The following CACNA2D4 variants were observed in gnomAD, a reference collection of about 807,000 sequenced individuals.
CACNA2D4 encodes the protein calcium voltage-gated channel auxiliary subunit alpha2delta 4.
In CACNA2D4, 157 loss-of-function variants were observed where a neutral mutation model predicts 163.8. That is an observed-to-expected ratio of 0.96 (90% CI 0.84 to 1.09). The LOEUF (loss-of-function observed/expected upper bound fraction) is 1.09, where lower values mean the gene tolerates loss of function less well. Among genes scored for constraint, CACNA2D4 ranks in the 50% least tolerant of loss-of-function variants. The probability of loss-of-function intolerance (pLI) is 0.00; values close to 1 mark genes in which losing one functional copy is unlikely to be tolerated. For synonymous variants in CACNA2D4, 598 were observed against 586.9 expected (o/e 1.02, Z -0.27); for missense variants, 1,410 against 1,479.9 (o/e 0.95, Z 0.78).
At chr12:1,868,386 T>C (rs769592383) in intron 18 of CACNA2D4, among the ~76,000 whole-genome samples, 23 of 152,064 alleles carry the variant, frequency 1.5e-4, no homozygotes, top group Non-Finnish European at 3.1e-4. Context: ...ATCTCACTTA[T>C]ATGTGGAATC....
chr12:1,797,142 C>T (rs1243494601), intron 35 of CACNA2D4, among the ~76,000 whole-genome samples: 1 of 152,192 alleles, frequency 6.6e-6, no homozygotes, highest in Non-Finnish European at 1.5e-5. Context: ...GGGGTGGGCT[C>T]GACACACAGG....
chr12:1,875,218 C>T lies in CACNA2D4; in HGVS notation c.1806+33G>A, dbSNP rs757756121. On this transcript the variant is annotated intron_variant, in intron 17 of 37. Transcript: ENST00000382722. The surrounding 1 kb of genome is among the most constrained non-coding windows in gnomAD (Gnocchi z 4.0). ...CCATTTAGTTGGATGTAGAGCCTAA[C>T]TAGCTTCCCTTCCCCCTATTTTCCC... 10 of 1,497,284 alleles carry T rather than the reference C, an allele frequency of 6.7e-6. No individual in the cohort carries two copies. In the East Asian group the frequency reaches 1.4e-4, roughly 20 times the overall value. 92.7% of individuals were successfully genotyped at this position (1,497,284 alleles called of 1,614,324 possible). A position where few individuals can be genotyped will look rare whatever the true frequency, so the allele number is the denominator to read the frequency against.
chr12:1,818,164 C>T (rs1317112035), intron 26 of CACNA2D4, among the ~76,000 whole-genome samples: 37 of 147,186 alleles, frequency 2.5e-4, no homozygotes, highest in African/African-American at 7.5e-4. Context: ...GGAGCCCCTC[C>T]GCCCGGCAGC....
rs769969392 is a variant in CACNA2D4 at position 1,918,451 on chromosome 12, A to G, written c.23T>C (p.Leu8Pro). The G allele has an allele frequency of 6.4e-7, 1 of 1,572,740 alleles. No homozygotes were observed. Among genetic ancestry groups the G allele is most frequent in the Non-Finnish European group, 8.6e-7 (1 of 1,159,482 alleles). Residue 8 changes from leucine to proline, a missense_variant, in exon 1 of 38, where the codon CTC becomes CCC. Physicochemically the swap from Leu to Pro is moderately conservative, Grantham distance 98. Coordinates refer to ENST00000382722, the MANE Select transcript of CACNA2D4 (RefSeq NM_172364.5). ...GGGCCTGGGGTTGGGGAGGGGAAGG[A>G]GGGCAGAGCAGCCACAGACCATGAG... MVCGCSALLPLPNPRPTM... is the reference protein window; with the variant it reads MVCGCSAPLPLPNPRPTM...
intron 23 of CACNA2D4, among the ~76,000 whole-genome samples, chr12:1,849,558 C>T (rs935913623): frequency 1.3e-5 from 2 of 152,172 alleles, no homozygotes; most frequent in African/African-American, 4.8e-5. Context: ...TCAATTACTA[C>T]AGGTTACTTT....
chr12:1,796,688 A>G (rs1176447614), intron 35 of CACNA2D4, among the ~76,000 whole-genome samples: 1 of 152,200 alleles, frequency 6.6e-6, no homozygotes, highest in Admixed American at 6.5e-5. Flanking sequence ...CCAGCGCCGC[A>G]GGTGCCGCAC....
At chr12:1,854,108 C>T in intron 22 of CACNA2D4, 64 bp from the exon 23 acceptor site, 1 of 1,213,216 alleles carries the variant, frequency 8.2e-7, no homozygotes, top group Middle Eastern at 1.9e-4. Context: ...CACAACTCTC[C>T]CATCCTAAGT....
Position 1,828,871 on chromosome 12 carries a change from G to A in CACNA2D4, c.2551+11868C>T, listed in dbSNP as rs1372435188. 3.3e-5 allele frequency among the ~76,000 whole-genome samples: 5 copies of A among 152,200 alleles called. No individual in the cohort carries two copies. In the East Asian group the frequency reaches 7.7e-4, roughly 23 times the overall value. ...CTTGGCAGCTGTCAGGGTGAAAGGA[G>A]CCCTGAGAATTCTCTTTATATGTGG... is the stretch of plus-strand genomic sequence containing the variant. On this transcript the variant is annotated intron_variant, in intron 26 of 37. Coordinates refer to ENST00000382722, the MANE Select transcript of CACNA2D4 (RefSeq NM_172364.5). The surrounding 1 kb of genome is among the most constrained non-coding windows in gnomAD (Gnocchi z 4.2).
intron 18 of CACNA2D4, among the ~76,000 whole-genome samples, chr12:1,873,133 G>A (rs570541644): frequency 1.5e-4 from 23 of 152,144 alleles, no homozygotes; most frequent in African/African-American, 3.9e-4. Flanking sequence ...ACTTGACAGC[G>A]CCCAGCCCAG....
rs1048506289 is a variant in CACNA2D4 at position 1,833,299 on chromosome 12, G to A, written c.2551+7440C>T. 6.6e-6 allele frequency among the ~76,000 whole-genome samples: 1 copy of A among 152,130 alleles called. No individual in the cohort carries two copies. The highest frequency in any genetic ancestry group is 6.5e-5 in the Admixed American group (1 of 15,282). ...TGCAGCCCGCATCTTTTCGGCAGGG[G>A]GTCTAGTGCCTGCATCCAGATTTCA... On this transcript the variant is annotated intron_variant, in intron 26 of 37. Transcript: ENST00000382722. This position sits in a 1 kb window ranked among gnomAD's most constrained non-coding sequence, Gnocchi z 4.2.
rs1866097096 is a variant in CACNA2D4, at chr12:1,884,889, G to A, written c.1159-8C>T. On this transcript the variant is annotated splice_polypyrimidine_tract_variant and splice_region_variant and intron_variant, in intron 10 of 37. Transcript: ENST00000382722. Reference sequence around the variant, plus strand: ...TTGCTTGGCCTCTTGGAACTGTGTAGGGAAGAGGAGTGCCCATGACCACAG... The same window carrying A: ...TTGCTTGGCCTCTTGGAACTGTGTAAGGAAGAGGAGTGCCCATGACCACAG... The A allele has an allele frequency of 6.2e-7, 1 of 1,611,248 alleles. No individual in the cohort carries two copies. Among genetic ancestry groups the A allele is most frequent in the East Asian group, 2.2e-5 (1 of 44,848 alleles).
intron 16 of CACNA2D4, among the ~76,000 whole-genome samples, chr12:1,876,184 T>G (rs1307524386): frequency 6.6e-6 from 1 of 152,232 alleles, no homozygotes; most frequent in African/African-American, 2.4e-5. Flanking sequence ...GCTTTCTGAA[T>G]ACTAATTTTC....
chr12:1,801,117 C>A lies in CACNA2D4; in HGVS notation c.2794G>T (p.Val932Leu). Residue 932 changes from valine to leucine, a missense_variant and splice_region_variant, in exon 31 of 38, where the codon GTG (valine) becomes TTG (leucine). By Grantham distance (32) the Val-to-Leu change is conservative. Coordinates refer to ENST00000382722, the MANE Select transcript of CACNA2D4 (RefSeq NM_172364.5). The stretch of plus-strand genomic sequence containing the variant: ...ATGGCCTGATAGTCATACATAGTCA[C>A]TCTGAAAATCAGAAGCGGGCTGTGA... ...QLLSMGVFSQVTMYDYQAMCK... is the reference protein window; with the variant it reads ...QLLSMGVFSQLTMYDYQAMCK... 1 of 1,613,874 alleles carries A rather than the reference C, an allele frequency of 6.2e-7. No homozygotes were observed. The highest frequency in any genetic ancestry group is 1.1e-5 in the South Asian group (1 of 91,082).
intron 6 of CACNA2D4, among the ~76,000 whole-genome samples, chr12:1,900,769 C>T (rs553729751): frequency 1.6e-4 from 25 of 152,208 alleles, no homozygotes; most frequent in African/African-American, 5.3e-4. Context: ...ACTTCAACAC[C>T]CCATTTTCAG....
rs928447688 is a variant in CACNA2D4 at position 1,831,238 on chromosome 12, G to A, written c.2551+9501C>T. 12 of 1,613,574 alleles carry A rather than the reference G, an allele frequency of 7.4e-6. No individual in the cohort carries two copies. The highest frequency in any genetic ancestry group is 2.2e-5 in the East Asian group (1 of 44,896). Reference sequence around the variant, plus strand: ...ACGAATCTGACTGAGCTTCAGCTGCGCAATAACAGCATCAGGACCCTGGAC... The same window carrying A: ...ACGAATCTGACTGAGCTTCAGCTGCACAATAACAGCATCAGGACCCTGGAC... On this transcript the variant is annotated intron_variant, in intron 26 of 37. Transcript: ENST00000382722.
Position 1,866,329 on chromosome 12 carries a change from C to T in CACNA2D4, c.1879-6123G>A, listed in dbSNP as rs1397678480. Among the ~76,000 whole-genome samples, 5 of 152,166 alleles carry T rather than the reference C, an allele frequency of 3.3e-5. 1 individual carries two copies. Among genetic ancestry groups the T allele is most frequent in the Admixed American group, 3.3e-4 (5 of 15,284 alleles). ...ACTTTAAATTTTTGAGATAACTCTG[C>T]TATGTGCTATTGTTGCCATATAATT... On this transcript the variant is annotated intron_variant, in intron 18 of 37. Transcript: ENST00000382722.
intron 26 of CACNA2D4, among the ~76,000 whole-genome samples, chr12:1,827,117 C>T (rs994214775): frequency 6.6e-6 from 1 of 152,136 alleles, no homozygotes; most frequent in Non-Finnish European, 1.5e-5. Context: ...GTGCGGGCAT[C>T]CTCCCTCCCT....
chr12:1,829,035 T>C lies in CACNA2D4; in HGVS notation c.2551+11704A>G, dbSNP rs924740323. The stretch of plus-strand genomic sequence containing the variant: ...CACGGGCAGCCTGAATTATTCACCA[T>C]GTGAGAGAGGCTGGCCCCTGAGTGA... On this transcript the variant is annotated intron_variant, in intron 26 of 37. Coordinates refer to ENST00000382722, the MANE Select transcript of CACNA2D4 (RefSeq NM_172364.5). This position sits in a 1 kb window ranked among gnomAD's most constrained non-coding sequence, Gnocchi z 4.2. Among the ~76,000 whole-genome samples, 2 of 152,244 alleles carry C rather than the reference T, an allele frequency of 1.3e-5. No individual in the cohort carries two copies. The highest frequency in any genetic ancestry group is 2.4e-5 in the African/African-American group (1 of 41,482).
intron 3 of CACNA2D4, among the ~76,000 whole-genome samples, 162 bp from the exon 4 acceptor site, chr12:1,910,127 C>T (rs2154452492): frequency 6.6e-6 from 1 of 152,356 alleles, no homozygotes; most frequent in Non-Finnish European, 1.5e-5. Context: ...AACGAATATT[C>T]ACAGCCACAC....
Sources: allele counts gnomAD v4.1 joint callset (sites outside exome capture counted in the v4.1 genomes callset), GRCh38; gene constraint gnomAD v4.1.1; non-coding constraint Gnocchi (gnomAD v3.1); transcripts MANE v1.5; gene names NCBI Gene and HGNC (gene_info 2026-07-23, HGNC 2026-07-21).